THSD7B: variants seen among roughly 807,000 people sequenced by gnomAD.
THSD7B encodes the protein thrombospondin type 1 domain containing 7B.
A neutral mutation model predicts 213.6 loss-of-function variants in THSD7B; 138 were observed. The ratio of observed to expected loss-of-function variants is 0.65; its 90% confidence interval spans 0.56 to 0.74. THSD7B has a LOEUF of 0.74. THSD7B is among the 30% of genes least tolerant of loss of function. The pLI is 0.00. For missense variants in THSD7B, 1,931 were observed against 1,991.5 expected, an observed-to-expected ratio of 0.97 and a Z score of 0.58; for synonymous variants, 742 against 687.0, an observed-to-expected ratio of 1.08 and a Z score of -1.25.
intron 13 of THSD7B, among the ~76,000 whole-genome samples, chr2:137,410,308 G>A (rs991225609): frequency 1.1e-4 from 16 of 150,810 alleles, no homozygotes; most frequent in Admixed American, 6.0e-4. Context: ...TTGCTCTGTC[G>A]CCCAGACTAG....
chr2:137,062,093 T>A lies in THSD7B; in HGVS notation c.950+4863T>A, dbSNP rs141410976. Among the ~76,000 whole-genome samples, 213 of 151,914 alleles carry A rather than the reference T, an allele frequency of 1.4e-3. 1 individual carries two copies. The highest frequency in any genetic ancestry group is 5.0e-3 in the African/African-American group (207 of 41,530). ...TGCTAGATTTTGTCTTTCAAGGAAT[T>A]GGCTCATTTCATCTAGATTATCAAA... is the stretch of plus-strand genomic sequence containing the variant. On this transcript the variant is annotated intron_variant, in intron 3 of 27. Transcript: ENST00000409968.
At chr2:137,211,172 A>G (rs1042882595) in intron 7 of THSD7B, among the ~76,000 whole-genome samples, 2 of 151,942 alleles carry the variant, frequency 1.3e-5, no homozygotes, top group African/African-American at 4.8e-5. Context: ...CGGAAATGAG[A>G]TTTGTATAAA....
chr2:137,663,806 A>T (rs965956323), intron 26 of THSD7B, among the ~76,000 whole-genome samples: 1 of 152,218 alleles, frequency 6.6e-6, no homozygotes. Context: ...CCTCAGTCTA[A>T]GAAACAGTGG....
At chr2:137,147,500 C>T (rs1361510562) in intron 5 of THSD7B, among the ~76,000 whole-genome samples, 1 of 150,102 alleles carries the variant, frequency 6.7e-6, no homozygotes, top group African/African-American at 2.4e-5. Flanking sequence ...ATTTTAGAGA[C>T]ACAGAGTTCT....
chr2:137,202,050 C>T (rs1680887678), intron 7 of THSD7B, among the ~76,000 whole-genome samples: 1 of 152,088 alleles, frequency 6.6e-6, no homozygotes, highest in Admixed American at 6.6e-5. Context: ...CATCTTTTCT[C>T]CCATAGTGTA....
At chr2:136,980,999 A>T (rs1472882565) in intron 2 of THSD7B, among the ~76,000 whole-genome samples, 3 of 151,382 alleles carry the variant, frequency 2.0e-5, no homozygotes, top group Non-Finnish European at 4.4e-5. Flanking sequence ...AAGATGCAGG[A>T]TTCACTCGCT....
At chr2:137,073,072 T>G (rs200615488) in intron 3 of THSD7B, among the ~76,000 whole-genome samples, 9 of 151,464 alleles carry the variant, frequency 5.9e-5, no homozygotes, top group African/African-American at 1.5e-4. Context: ...TCTCTTTTTT[T>G]GTTGTGTCTC....
At chr2:136,907,792 T>C (rs1684189579) in intron 2 of THSD7B, among the ~76,000 whole-genome samples, 1 of 152,220 alleles carries the variant, frequency 6.6e-6, no homozygotes, top group Non-Finnish European at 1.5e-5. Context: ...AACTGCTGTA[T>C]GTTGCTGACC....
chr2:137,002,569 C>T (rs1686021147), intron 2 of THSD7B, among the ~76,000 whole-genome samples: 1 of 152,110 alleles, frequency 6.6e-6, no homozygotes, highest in Non-Finnish European at 1.5e-5. Flanking sequence ...TTTTAGAAGA[C>T]AGAGGTCGCA....
intron 1 of THSD7B, among the ~76,000 whole-genome samples, chr2:136,812,718 A>G (rs955012986): frequency 2.6e-5 from 4 of 152,222 alleles, no homozygotes; most frequent in Admixed American, 2.6e-4. Flanking sequence ...ACAAGTAGAC[A>G]GCAGAGCAGA....
rs1043915352 is a variant in THSD7B at position 137,097,672 on chromosome 2, T to C, written c.1199+2551T>C. ...GATGAGTTTCTGTATGGATCTTCAT[T>C]TGATAGAACATTAGAGTCTGAAAAT... On this transcript the variant is annotated intron_variant, in intron 4 of 27. Transcript: ENST00000409968. Among the ~76,000 whole-genome samples the C allele has an allele frequency of 5.9e-5, 9 of 151,988 alleles. No homozygotes were observed. The South Asian group carries it at 1.0e-3, about 18-fold the overall frequency.
chr2:136,793,603 C>T (rs1264403097), intron 1 of THSD7B, among the ~76,000 whole-genome samples: 3 of 151,918 alleles, frequency 2.0e-5, no homozygotes, highest in Admixed American at 6.6e-5. Context: ...TTAAACCTAT[C>T]TTGCATCACT....
intron 10 of THSD7B, among the ~76,000 whole-genome samples, chr2:137,251,730 G>T (rs919456087): frequency 1.3e-5 from 2 of 152,186 alleles, no homozygotes. Flanking sequence ...TGGTATGCTT[G>T]CTAGAACCCT....
chr2:137,524,803 C>T (rs1309561000), intron 15 of THSD7B, among the ~76,000 whole-genome samples: 1 of 152,058 alleles, frequency 6.6e-6, no homozygotes. Context: ...CAGCTGTTCT[C>T]CCTGTGATTG....
intron 1 of THSD7B, among the ~76,000 whole-genome samples, chr2:136,813,448 C>CTTAAACGTGGCGCTCTTG (rs1558813583): frequency 0.034 from 5,129 of 152,024 alleles, 280 homozygotes; most frequent in African/African-American, 0.11. Flanking sequence ...GCCTGCTCTT[C>CTTAAACGTGGCGCTCTTG]GAGATGACTT....
intron 6 of THSD7B, among the ~76,000 whole-genome samples, chr2:137,160,750 A>G (rs1465596518): frequency 5.9e-5 from 9 of 152,156 alleles, no homozygotes; most frequent in Non-Finnish European, 1.3e-4. Context: ...CAGCCTCCCA[A>G]GTAGCTGGGA....
chr2:137,439,296 C>CT (rs35000266), intron 14 of THSD7B, among the ~76,000 whole-genome samples: 3 of 151,962 alleles, frequency 2.0e-5, no homozygotes, highest in South Asian at 2.1e-4. Context: ...GCTTTTGATG[C>CT]TTTTTTCTGG....
At chr2:137,676,123 A>C (rs914505613) in intron 27 of THSD7B, among the ~76,000 whole-genome samples, 2 of 152,190 alleles carry the variant, frequency 1.3e-5, no homozygotes, top group Admixed American at 6.5e-5. Context: ...TCAGAGCAGA[A>C]GTGTGTTTAC....
intron 12 of THSD7B, among the ~76,000 whole-genome samples, chr2:137,282,725 T>A (rs1042836462): frequency 1.3e-5 from 2 of 152,114 alleles, no homozygotes; most frequent in African/African-American, 4.8e-5. Flanking sequence ...AGATGTGTGG[T>A]ATTATTTCTG....
Sources: allele counts gnomAD v4.1 joint callset (sites outside exome capture counted in the v4.1 genomes callset), GRCh38; gene constraint gnomAD v4.1.1; transcripts MANE v1.5; gene names NCBI Gene and HGNC (gene_info 2026-07-23, HGNC 2026-07-21).